The following LSM7 variants were observed in gnomAD, a reference collection of about 807,000 sequenced individuals.
The protein encoded by LSM7 is U6 snRNA-associated Sm-like protein LSm7.
LSM7 carries 13 observed loss-of-function variants against 14.1 expected under a neutral mutation model. The observed-to-expected ratio is 0.92, with a 90% CI of 0.60 to 1.47. LSM7 has a LOEUF of 1.47. Among genes scored for constraint, LSM7 ranks in the 40% most tolerant of loss-of-function variants. LSM7 has a pLI of 0.00. For synonymous variants in LSM7, 70 were observed against 57.1 expected (o/e 1.23, Z -1.02); for missense variants, 108 against 140.8 (o/e 0.77, Z 1.18).
intron 2 of LSM7, among the ~76,000 whole-genome samples, chr19:2,325,331 C>A (rs1438361831): frequency 2.6e-5 from 4 of 151,702 alleles, no homozygotes; most frequent in African/African-American, 9.7e-5. Flanking sequence ...GCCCTGCAGG[C>A]TCCTGCAGCC....
chr19:2,321,932 A>T lies in LSM7; in HGVS notation c.170-110T>A. 3 of 1,042,824 alleles carry T rather than the reference A, an allele frequency of 2.9e-6. No individual in the cohort carries two copies. Among genetic ancestry groups the T allele is most frequent in the Non-Finnish European group, 3.8e-6 (3 of 794,376 alleles). The allele number at this position is 1,042,824 out of a possible 1,614,324, so 64.6% of individuals were successfully genotyped here. ...TCCCCACCTGCACCCTGCAGGCGCCACGAGCACGCAGGGACCTCAGACGGG... is the reference window on the plus strand; with the variant it reads ...TCCCCACCTGCACCCTGCAGGCGCCTCGAGCACGCAGGGACCTCAGACGGG... On this transcript the variant is annotated intron_variant, in intron 3 of 3. Coordinates refer to ENST00000252622, the MANE Select transcript of LSM7 (RefSeq NM_016199.3). This position sits in a 1 kb window ranked among gnomAD's most constrained non-coding sequence, Gnocchi z 5.0.
rs1045873385 is a variant in LSM7 at position 2,328,399 on chromosome 19, C to T, written c.85G>A (p.Gly29Arg). 33 of 1,613,800 alleles carry T rather than the reference C, an allele frequency of 2.0e-5. No individual in the cohort carries two copies. Among genetic ancestry groups the T allele is most frequent in the Non-Finnish European group, 2.7e-5 (32 of 1,179,882 alleles). ...GGAGCCTCCTCACCTTCGCGGCCTC[C>T]CTGGAACTTTACCCGGATCGTCTTG... ...IDKTIRVKFQGGREASGILKG... is the reference protein window; with the variant it reads ...IDKTIRVKFQRGREASGILKG... The change falls in exon 2 of 4, where the codon GGA becomes AGA. Residue 29 changes from glycine (G) to arginine (R), a missense_variant. By Grantham distance (125) the Gly-to-Arg change is moderately radical (BLOSUM62 -2). Transcript: ENST00000252622.
At chr19:2,324,025 C>T (rs892878892) in intron 3 of LSM7, 100 bp downstream of exon 3, 23 of 924,376 alleles carry the variant, frequency 2.5e-5, no homozygotes, top group South Asian at 1.3e-4. Context: ...GGGAGCCCCA[C>T]GGCTGCCCCC....
At position 2,321,645 on chromosome 19, in the gene LSM7, G is replaced by A. The variant is rs77744086; in HGVS notation, c.*35C>T. 6.2e-3 allele frequency: 8,737 copies of A among 1,400,140 alleles called. 507 individuals carry two copies. In the African/African-American group the frequency reaches 0.12, roughly 19 times the overall value. The allele number at this position is 1,400,140 out of a possible 1,614,324, so 86.7% of individuals were successfully genotyped here. A position where few individuals can be genotyped will look rare whatever the true frequency, so the allele number is the denominator to read the frequency against. On this transcript the variant is annotated 3_prime_UTR_variant, in exon 4 of 4. Transcript: ENST00000252622. The surrounding 1 kb of genome is among the most constrained non-coding windows in gnomAD (Gnocchi z 5.0). ...AAGTCCGCGGGAAACCGAGCTGCTC[G>A]GGCCTGCCCTGCACCCCCCGCGCCC...
At chr19:2,328,308 C>T (rs1477780743) in intron 2 of LSM7, 79 bp downstream of exon 2, 3 of 1,169,332 alleles carry the variant, frequency 2.6e-6, no homozygotes, top group Non-Finnish European at 3.7e-6. Context: ...GGTGCTTCCG[C>T]ATGCGTCCTC....
At chr19:2,324,051 C>G in intron 3 of LSM7, 74 bp downstream of exon 3, 2 of 824,072 alleles carry the variant, frequency 2.4e-6, no homozygotes, top group South Asian at 1.6e-5. Flanking sequence ...CCCACTGCCC[C>G]CCTCGTCCCG....
At position 2,321,704 on chromosome 19, in the gene LSM7, G is replaced by C. The variant is rs906147928; in HGVS notation, c.288C>G (p.Pro96=). ...PQDGMEAIPN[P]FIQQQDA ...GCTAGGCGTCCTGCTGCTGGATGAA[G>C]GGGTTGGGGATGGCCTCCATGCCGT... is the stretch of plus-strand genomic sequence containing the variant. Residue 96 remains proline (P), a synonymous_variant, in exon 4 of 4, where the codon CCC becomes CCG. Coordinates refer to ENST00000252622, the MANE Select transcript of LSM7 (RefSeq NM_016199.3). This position sits in a 1 kb window ranked among gnomAD's most constrained non-coding sequence, Gnocchi z 5.0. 1.3e-6 allele frequency: 2 copies of C among 1,560,624 alleles called. No individual in the cohort carries two copies. Among genetic ancestry groups the C allele is most frequent in the African/African-American group, 1.4e-5 (1 of 73,344 alleles).
intron 2 of LSM7, among the ~76,000 whole-genome samples, chr19:2,325,417 ACC>A (rs1036876458): frequency 1.9e-5 from 2 of 107,024 alleles, no homozygotes; most frequent in African/African-American, 2.8e-5. Flanking sequence ...TCTCCTTCTT[ACC>A]CCTGTCATCT....
rs1487761804 is a variant in LSM7 at position 2,321,660 on chromosome 19, C to T, written c.*20G>A. ...CGAGCTGCTCGGGCCTGCCCTGCAC[C>T]CCCCGCGCCCCCGGCCAGGCTAGGC... On this transcript the variant is annotated 3_prime_UTR_variant, in exon 4 of 4. Coordinates refer to ENST00000252622, the MANE Select transcript of LSM7 (RefSeq NM_016199.3). This position sits in a 1 kb window ranked among gnomAD's most constrained non-coding sequence, Gnocchi z 5.0. 4 of 1,476,198 alleles carry T rather than the reference C, an allele frequency of 2.7e-6. No individual in the cohort carries two copies. The African/African-American group carries it at 4.2e-5, about 16-fold the overall frequency. 91.4% of individuals were successfully genotyped at this position (1,476,198 alleles called of 1,614,324 possible). A position where few individuals can be genotyped will look rare whatever the true frequency, so the allele number is the denominator to read the frequency against.
At chr19:2,324,658 G>A (rs1465499991) in intron 2 of LSM7, 5 of 170,588 alleles carry the variant, frequency 2.9e-5, no homozygotes, top group African/African-American at 4.7e-5. Context: ...AACAGGCGGC[G>A]GCACGTGTAC....
intron 2 of LSM7, chr19:2,324,434 G>A (rs574894273): frequency 5.6e-6 from 3 of 538,524 alleles, no homozygotes; most frequent in East Asian, 6.0e-5. Flanking sequence ...GTGGGCCACA[G>A]GGTGCCGGTC....
intron 2 of LSM7, chr19:2,325,019 G>C (rs1967993433): frequency 6.6e-6 from 1 of 152,288 alleles, no homozygotes; most frequent in South Asian, 2.1e-4. Flanking sequence ...ACAAATCCCA[G>C]CCCTGCTGCT....
chr19:2,321,548 C>CA lies in LSM7; in HGVS notation c.*131dup. The CA allele has an allele frequency of 2.8e-6, 3 of 1,055,032 alleles. No individual in the cohort carries two copies. Among genetic ancestry groups the CA allele is most frequent in the Non-Finnish European group, 3.7e-6 (3 of 801,602 alleles). The allele number at this position is 1,055,032 out of a possible 1,614,324, so 65.4% of individuals were successfully genotyped here. The stretch of plus-strand genomic sequence containing the variant: ...GAGGTTTGCAATTTTATTAAGAAAA[C>CA]AAAAATTCAACCTATACAAAAAGGA... On this transcript the variant is annotated 3_prime_UTR_variant, in exon 4 of 4. Coordinates refer to ENST00000252622, the MANE Select transcript of LSM7 (RefSeq NM_016199.3). This position sits in a 1 kb window ranked among gnomAD's most constrained non-coding sequence, Gnocchi z 5.0.
chr19:2,328,545 TC>T lies in LSM7; in HGVS notation c.6+15del, dbSNP rs1475191373. 1.3e-6 allele frequency: 2 copies of T among 1,599,708 alleles called. No individual in the cohort carries two copies. Among genetic ancestry groups the T allele is most frequent in the South Asian group, 2.2e-5 (2 of 89,660 alleles). ...AGCTCCACGCCCCCCGGCTCCAGAT[TC>T]CGCCGCGCGCTCACCGCCATCTTGT... On this transcript the variant is annotated intron_variant, in intron 1 of 3. Transcript: ENST00000252622.
intron 3 of LSM7, among the ~76,000 whole-genome samples, chr19:2,322,434 G>A (rs532436322): frequency 2.6e-4 from 40 of 152,300 alleles, no homozygotes; most frequent in African/African-American, 9.1e-4. Flanking sequence ...CCAGCTACTC[G>A]GGAGGCTGAG....
In LSM7 at chr19:2,328,461, T is replaced by A; in HGVS notation, c.23A>T (p.Lys8Ile). The A allele has an allele frequency of 1.2e-6, 2 of 1,613,882 alleles. No homozygotes were observed. The highest frequency in any genetic ancestry group is 1.7e-6 in the Non-Finnish European group (2 of 1,179,860). Residue 8 changes from lysine (K) to isoleucine (I), a missense_variant, in exon 2 of 4, where the codon AAA becomes ATA. By Grantham distance (102) the Lys-to-Ile change is moderately radical (BLOSUM62 -3). Transcript: ENST00000252622. ...GGACAAGTCCAAGATGCTCTCCTTTTTCTTCTTCTCCTTATCCTGCGGGGA... is the reference window on the plus strand; with the variant it reads ...GGACAAGTCCAAGATGCTCTCCTTTATCTTCTTCTCCTTATCCTGCGGGGA... MADKEKK[K>I]KESILDLSKY...
In LSM7 at chr19:2,321,683, G is replaced by T; in HGVS notation, c.309C>A (p.Ala103=). Residue 103 remains alanine (A), a synonymous_variant, in exon 4 of 4, where the codon GCC becomes GCA. Coordinates refer to ENST00000252622, the MANE Select transcript of LSM7 (RefSeq NM_016199.3). The surrounding 1 kb of genome is among the most constrained non-coding windows in gnomAD (Gnocchi z 5.0). ...ACCCCCCGCGCCCCCGGCCAGGCTA[G>T]GCGTCCTGCTGCTGGATGAAGGGGT... ...IPNPFIQQQD[A] The T allele has an allele frequency of 1.3e-6, 2 of 1,536,712 alleles. No individual in the cohort carries two copies. The highest frequency in any genetic ancestry group is 8.8e-7 in the Non-Finnish European group (1 of 1,142,770).
Position 2,323,869 on chromosome 19 carries a change from G to A in LSM7, c.169+256C>T, listed in dbSNP as rs369762189. On this transcript the variant is annotated intron_variant, in intron 3 of 3. Coordinates refer to ENST00000252622, the MANE Select transcript of LSM7 (RefSeq NM_016199.3). ...ACCAGTGGGTGAGCTGGCAGCTCCC[G>A]TCTCTCCAGGCCCCACAACAATGGG... Among the ~76,000 whole-genome samples, 51 of 152,200 alleles carry A rather than the reference G, an allele frequency of 3.4e-4. 2 individuals carry two copies. The South Asian group carries it at 9.1e-3, about 27-fold the overall frequency.
Position 2,328,554 on chromosome 19 carries a change from C to T in LSM7, c.6+7G>A. 1 of 1,593,916 alleles carries T rather than the reference C, an allele frequency of 6.3e-7. No individual in the cohort carries two copies. The stretch of plus-strand genomic sequence containing the variant: ...CCCCCCGGCTCCAGATTCCGCCGCG[C>T]GCTCACCGCCATCTTGTCGCGCCGT... On this transcript the variant is annotated splice_region_variant and intron_variant, in intron 1 of 3. Coordinates refer to ENST00000252622, the MANE Select transcript of LSM7 (RefSeq NM_016199.3).
Sources: allele counts gnomAD v4.1 joint callset (sites outside exome capture counted in the v4.1 genomes callset), GRCh38; gene constraint gnomAD v4.1.1; non-coding constraint Gnocchi (gnomAD v3.1); transcripts MANE v1.5; gene names NCBI Gene and HGNC (gene_info 2026-07-23, HGNC 2026-07-21).